The following ME3 variants were observed in gnomAD, a reference collection of about 807,000 sequenced individuals.
ME3 encodes the protein NADP-dependent malic enzyme, mitochondrial.
A neutral mutation model predicts 68.9 loss-of-function variants in ME3; 48 were observed. The ratio of observed to expected loss-of-function variants is 0.70; its 90% CI spans 0.55 to 0.89. The LOEUF is 0.89. Ranked by LOEUF, ME3 falls within the 40% of genes least tolerant of loss-of-function variation. ME3 has a pLI of 0.00. For missense variants in ME3, 675 were observed against 797.4 expected (o/e 0.85, Z 1.85); for synonymous variants, 320 against 318.8 (o/e 1.00, Z -0.04).
chr11:86,463,058 A>G (rs1348513270), intron 8 of ME3, among the ~76,000 whole-genome samples: 1 of 152,208 alleles, frequency 6.6e-6, no homozygotes, highest in Non-Finnish European at 1.5e-5. Flanking sequence ...GAACTTTCTC[A>G]TGAAGAGAGG....
At chr11:86,450,144 A>AC in intron 9 of ME3, 142 bp from the exon 10 acceptor site, 2 of 958,176 alleles carry the variant, frequency 2.1e-6, no homozygotes, top group Non-Finnish European at 3.2e-6. Flanking sequence ...TTGCCTTGAG[A>AC]CACCCAATTG....
At chr11:86,671,735 G>C (rs757658845) in intron 2 of ME3, 27 bp downstream of exon 2, 2 of 1,594,034 alleles carry the variant, frequency 1.3e-6, no homozygotes, top group Admixed American at 3.5e-5. Flanking sequence ...ATCGCAACGC[G>C]GGCCGTCCTG....
intron 2 of ME3, among the ~76,000 whole-genome samples, chr11:86,635,719 A>C (rs774276467): frequency 6.6e-6 from 1 of 152,228 alleles, no homozygotes. Context: ...TCCCAGCTCC[A>C]GAGCTGTGAG....
intron 4 of ME3, among the ~76,000 whole-genome samples, chr11:86,524,987 G>A (rs975623908): frequency 3.3e-5 from 5 of 152,200 alleles, no homozygotes; most frequent in African/African-American, 4.8e-5. Context: ...GGCCAAAAAA[G>A]TATTTGCTTT....
intron 4 of ME3, among the ~76,000 whole-genome samples, chr11:86,539,452 G>A (rs1738840507): frequency 6.6e-6 from 1 of 152,102 alleles, no homozygotes; most frequent in Non-Finnish European, 1.5e-5. Context: ...GTTCTCAGTT[G>A]AGCTGTAAAC....
intron 5 of ME3, among the ~76,000 whole-genome samples, chr11:86,508,386 T>G (rs994585160): frequency 6.6e-6 from 1 of 152,216 alleles, no homozygotes; most frequent in African/African-American, 2.4e-5. Flanking sequence ...TTCGTGTACT[T>G]TATTTATCTC....
At chr11:86,492,069 T>C (rs755434476) in intron 6 of ME3, among the ~76,000 whole-genome samples, 13 of 152,232 alleles carry the variant, frequency 8.5e-5, no homozygotes, top group Non-Finnish European at 1.8e-4. Context: ...CCAAAGGGGC[T>C]CTAGGCTTTC....
chr11:86,653,002 C>T (rs576118774), intron 2 of ME3, among the ~76,000 whole-genome samples: 56 of 151,742 alleles, frequency 3.7e-4, no homozygotes, highest in Non-Finnish European at 7.5e-4. Context: ...CAAAGAAGGC[C>T]ATTACATAAT....
intron 2 of ME3, among the ~76,000 whole-genome samples, chr11:86,580,462 G>A (rs990876217): frequency 2.6e-5 from 4 of 152,166 alleles, no homozygotes; most frequent in African/African-American, 7.2e-5. Flanking sequence ...ATGACTGAAT[G>A]ATTGATTGGG....
chr11:86,585,390 A>C (rs1162099597), intron 2 of ME3, among the ~76,000 whole-genome samples: 1 of 152,162 alleles, frequency 6.6e-6, no homozygotes, highest in Non-Finnish European at 1.5e-5. Context: ...AAGCAGGAGG[A>C]TAAGAGATAC....
At chr11:86,624,601 T>A (rs1943546055) in intron 2 of ME3, among the ~76,000 whole-genome samples, 1 of 152,196 alleles carries the variant, frequency 6.6e-6, no homozygotes, top group Non-Finnish European at 1.5e-5. Context: ...GTAAGATTGA[T>A]TTTGTTGCTT....
intron 4 of ME3, among the ~76,000 whole-genome samples, chr11:86,539,735 T>G (rs192428309): frequency 7.9e-5 from 12 of 152,284 alleles, no homozygotes; most frequent in African/African-American, 2.4e-4. Flanking sequence ...AAGTCCATTT[T>G]CCACCACCCA....
intron 2 of ME3, among the ~76,000 whole-genome samples, chr11:86,624,203 T>C (rs1293926381): frequency 1.3e-5 from 2 of 152,222 alleles, no homozygotes; most frequent in African/African-American, 4.8e-5. Flanking sequence ...AGAGGGCTTC[T>C]CAGCCCCTAG....
At chr11:86,537,533 C>T (rs1955759838) in intron 4 of ME3, among the ~76,000 whole-genome samples, 1 of 152,064 alleles carries the variant, frequency 6.6e-6, no homozygotes, top group Non-Finnish European at 1.5e-5. Flanking sequence ...TCCCCTTGGC[C>T]TTGATTTGAG....
chr11:86,469,718 C>T (rs1950681138), intron 7 of ME3, among the ~76,000 whole-genome samples: 1 of 152,220 alleles, frequency 6.6e-6, no homozygotes, highest in South Asian at 2.1e-4. Flanking sequence ...CTTCCCAAGC[C>T]ACACAGATAG....
At chr11:86,610,886 G>C (rs1052571054) in intron 2 of ME3, among the ~76,000 whole-genome samples, 1 of 152,208 alleles carries the variant, frequency 6.6e-6, no homozygotes, top group African/African-American at 2.4e-5. Context: ...AGCACCAACT[G>C]TTGGCCAGAA....
In ME3 at chr11:86,508,838, C is replaced by T. The variant is rs1032772618; in HGVS notation, c.497G>A (p.Gly166Asp). 17 of 1,613,692 alleles carry T rather than the reference C, an allele frequency of 1.1e-5. No individual in the cohort carries two copies. The highest frequency in any genetic ancestry group is 1.3e-5 in the Non-Finnish European group (15 of 1,179,670). Residue 166 changes from glycine to aspartate, a missense_variant, in exon 5 of 15, where the codon GGT (glycine) becomes GAT (aspartate). Gly to Asp is a moderately conservative substitution (Grantham distance 94). Coordinates refer to ENST00000543262, the Ensembl canonical transcript of ME3. ...AGAATTCAGCATTGTTGCAAGATGACCTTTGTCATGAATGGTGATGAACAG... is the reference window on the plus strand; with the variant it reads ...AGAATTCAGCATTGTTGCAAGATGATCTTTGTCATGAATGGTGATGAACAG...
chr11:86,452,080 G>T (rs1949661744), intron 8 of ME3, among the ~76,000 whole-genome samples: 1 of 152,208 alleles, frequency 6.6e-6, no homozygotes, highest in Admixed American at 6.5e-5. Flanking sequence ...TATGGGTCTA[G>T]AAATCGTGGG....
At chr11:86,533,341 G>T (rs1473227300) in intron 4 of ME3, among the ~76,000 whole-genome samples, 1 of 151,978 alleles carries the variant, frequency 6.6e-6, no homozygotes, top group Non-Finnish European at 1.5e-5. Context: ...AAATACAAAA[G>T]ATCATAAAAG....
Sources: gnomAD v4.1 joint callset for allele counts (sites outside exome capture counted in the v4.1 genomes callset) on GRCh38, gnomAD v4.1.1 for gene constraint, MANE v1.5 for transcripts, NCBI Gene and HGNC (gene_info 2026-07-23, HGNC 2026-07-21) for gene names.